ZHX2: variants seen among roughly 807,000 people sequenced by gnomAD.
ZHX2 encodes zinc fingers and homeoboxes protein 2.
Under a neutral mutation model 21.9 loss-of-function variants are expected in ZHX2, and 6 were observed. The observed-to-expected ratio is 0.27, with a 90% CI of 0.15 to 0.54. The LOEUF (loss-of-function observed/expected upper bound fraction) is 0.54. Among genes scored for constraint, ZHX2 ranks in the 20% least tolerant of loss-of-function variants. The pLI is 0.95. For synonymous variants in ZHX2, 434 were observed against 437.1 expected, an observed-to-expected ratio of 0.99 and a Z score of 0.09; for missense variants, 908 against 1,090.7, an observed-to-expected ratio of 0.83 and a Z score of 2.36.
intron 3 of ZHX2, among the ~76,000 whole-genome samples, chr8:122,971,132 G>A (rs996882741): frequency 6.6e-6 from 1 of 152,192 alleles, no homozygotes; most frequent in Admixed American, 6.5e-5. Context: ...ACTGTAAGGA[G>A]TAGATGAGAT....
intron 1 of ZHX2, among the ~76,000 whole-genome samples, chr8:122,822,007 G>A (rs759600060): frequency 2.0e-5 from 3 of 152,044 alleles, no homozygotes; most frequent in Non-Finnish European, 2.9e-5. Context: ...GCCCAGCCTA[G>A]TGTGACTTTA....
intron 1 of ZHX2, among the ~76,000 whole-genome samples, chr8:122,837,309 C>A (rs974719901): frequency 6.6e-6 from 1 of 152,204 alleles, no homozygotes; most frequent in Non-Finnish European, 1.5e-5. Flanking sequence ...GGATCTAGAT[C>A]TGGACCCCTT....
At chr8:122,846,329 C>T (rs1439869722) in intron 1 of ZHX2, among the ~76,000 whole-genome samples, 2 of 152,118 alleles carry the variant, frequency 1.3e-5, no homozygotes, top group African/African-American at 2.4e-5. Flanking sequence ...CCTTCTCTGG[C>T]GGAGAGCAGG....
chr8:122,947,219 C>T (rs557777554), intron 2 of ZHX2, among the ~76,000 whole-genome samples: 2 of 150,856 alleles, frequency 1.3e-5, no homozygotes, highest in South Asian at 2.1e-4. Flanking sequence ...GAGCTGAGAT[C>T]GTGCCATTGC....
intron 2 of ZHX2, among the ~76,000 whole-genome samples, chr8:122,918,646 T>C (rs1027049065): frequency 1.3e-5 from 2 of 152,146 alleles, no homozygotes; most frequent in Admixed American, 1.3e-4. Flanking sequence ...TGGCTGTGTC[T>C]CAATAAAACT....
At chr8:122,875,498 T>C (rs965463376) in intron 2 of ZHX2, among the ~76,000 whole-genome samples, 11 of 152,146 alleles carry the variant, frequency 7.2e-5, no homozygotes, top group African/African-American at 1.9e-4. Context: ...CAGGACTCAA[T>C]TGGACCTTTG....
chr8:122,953,680 G>T lies in ZHX2; in HGVS notation c.2170G>T (p.Gly724Cys), dbSNP rs766449810. 1.9e-6 allele frequency: 3 copies of T among 1,614,224 alleles called. No homozygotes were observed. The highest frequency in any genetic ancestry group is 2.5e-6 in the Non-Finnish European group (3 of 1,180,050). Residue 724 changes from glycine (G) to cysteine (C), a missense_variant, in exon 3 of 4, where the codon GGT (glycine) becomes TGT (cysteine). Coordinates refer to ENST00000314393, the MANE Select transcript of ZHX2 (RefSeq NM_014943.5). The surrounding 1 kb of genome is among the most constrained non-coding windows in gnomAD (Gnocchi z 4.6). ...CATGGCCGAGAGCCCAAAGAACGGGGGTGATGTGGTTCCACAATATTACAA... is the reference window on the plus strand; with the variant it reads ...CATGGCCGAGAGCCCAAAGAACGGGTGTGATGTGGTTCCACAATATTACAA... ...KPMAESPKNGGDVVPQYYKDP... is the reference protein window; with the variant it reads ...KPMAESPKNGCDVVPQYYKDP...
chr8:122,826,226 G>C (rs1200481273), intron 1 of ZHX2, among the ~76,000 whole-genome samples: 1 of 152,194 alleles, frequency 6.6e-6, no homozygotes, highest in Non-Finnish European at 1.5e-5. Flanking sequence ...CATTTAAAAA[G>C]GGCTTGGAAA....
intron 2 of ZHX2, among the ~76,000 whole-genome samples, chr8:122,886,674 C>A (rs961236930): frequency 6.6e-6 from 1 of 151,988 alleles, no homozygotes; most frequent in African/African-American, 2.4e-5. Flanking sequence ...TAAAGTTAAG[C>A]AATGTGATAT....
chr8:122,889,596 T>C (rs563965178), intron 2 of ZHX2, among the ~76,000 whole-genome samples: 1 of 152,346 alleles, frequency 6.6e-6, no homozygotes, highest in Admixed American at 6.5e-5. Context: ...GCTGTTGAAT[T>C]TCTTGTATAT....
At chr8:122,813,574 C>T (rs1817973190) in intron 1 of ZHX2, among the ~76,000 whole-genome samples, 1 of 152,202 alleles carries the variant, frequency 6.6e-6, no homozygotes, top group Admixed American at 6.5e-5. Context: ...AGAAAGAAGT[C>T]ATCCCATGGA....
chr8:122,920,486 A>T (rs1246625816), intron 2 of ZHX2, among the ~76,000 whole-genome samples: 1 of 152,116 alleles, frequency 6.6e-6, no homozygotes, highest in Non-Finnish European at 1.5e-5. Context: ...TACCAACATC[A>T]AGATATAGAA....
intron 1 of ZHX2, among the ~76,000 whole-genome samples, chr8:122,819,187 G>A (rs2130631286): frequency 6.6e-6 from 1 of 152,324 alleles, no homozygotes; most frequent in Middle Eastern, 3.4e-3. Context: ...ACTGAGAAGA[G>A]CCAGTGCCTG....
intron 3 of ZHX2, among the ~76,000 whole-genome samples, chr8:122,961,110 T>A (rs78212846): frequency 0.019 from 2,836 of 152,338 alleles, 68 homozygotes; most frequent in African/African-American, 0.063. Flanking sequence ...TTTCTCACAG[T>A]TCTGGAGACT....
intron 2 of ZHX2, among the ~76,000 whole-genome samples, chr8:122,907,475 G>T (rs1274301603): frequency 1.3e-5 from 2 of 151,792 alleles, no homozygotes; most frequent in Admixed American, 6.6e-5. Context: ...CTCAGTGAGC[G>T]GAGGGGTGAC....
Position 122,953,265 on chromosome 8 carries a change from C to A in ZHX2, c.1755C>A (p.Asp585Glu), listed in dbSNP as rs1813184109. The A allele has an allele frequency of 6.2e-7, 1 of 1,613,978 alleles. No homozygotes were observed. The highest frequency in any genetic ancestry group is 8.5e-7 in the Non-Finnish European group (1 of 1,180,018). Residue 585 changes from aspartate to glutamate, a missense_variant, in exon 3 of 4, where the codon GAC becomes GAA. Physicochemically the swap from Asp to Glu is conservative, Grantham distance 45 (BLOSUM62 2). This residue lies in a region of ZHX2 where 431 missense variants were observed against 428.6 expected (regional missense o/e 1.01). Transcript: ENST00000314393. The surrounding 1 kb of genome is among the most constrained non-coding windows in gnomAD (Gnocchi z 4.6). The stretch of plus-strand genomic sequence containing the variant: ...TCTCGGAGAGGCGGAAGCTTCGAGA[C>A]AGCATGGAACAAGCTGTCTTGGATT... ...SWFSERRKLR[D>E]SMEQAVLDSM...
At chr8:122,903,877 G>A in intron 2 of ZHX2, among the ~76,000 whole-genome samples, 1 of 152,094 alleles carries the variant, frequency 6.6e-6, no homozygotes, top group East Asian at 1.9e-4. Flanking sequence ...TGCTAATATT[G>A]ATGAACCACC....
intron 2 of ZHX2, among the ~76,000 whole-genome samples, chr8:122,945,848 CA>C (rs1264005368): frequency 8.5e-5 from 13 of 152,160 alleles, no homozygotes; most frequent in Non-Finnish European, 1.5e-4. Flanking sequence ...ACAGCCATAC[CA>C]CCCTGAATGC....
At chr8:122,785,292 G>C (rs1364157287) in intron 1 of ZHX2, among the ~76,000 whole-genome samples, 4 of 152,132 alleles carry the variant, frequency 2.6e-5, no homozygotes, top group Non-Finnish European at 5.9e-5. Context: ...ACTTTTTTGT[G>C]TCAGACAACA....
Sources: allele counts gnomAD v4.1 joint callset (sites outside exome capture counted in the v4.1 genomes callset), GRCh38; gene constraint gnomAD v4.1.1; regional missense constraint gnomAD v4.1.1; non-coding constraint Gnocchi (gnomAD v3.1); transcripts MANE v1.5; gene names NCBI Gene and HGNC (gene_info 2026-07-23, HGNC 2026-07-21).